Variants in TRPM6 observed in about 807,000 individuals in gnomAD.
The protein encoded by TRPM6 is transient receptor potential cation channel subfamily M member 6, also known as channel kinase 2.
Under a neutral mutation model 247.6 loss-of-function variants are expected in TRPM6, and 111 were observed. The ratio of observed to expected loss-of-function variants is 0.45; its 90% CI spans 0.38 to 0.52. The LOEUF (loss-of-function observed/expected upper bound fraction) is 0.52. Ranked by LOEUF, TRPM6 falls within the 20% of genes least tolerant of loss-of-function variation. The pLI is 0.00. For missense variants in TRPM6, 2,126 were observed against 2,421.5 expected (o/e 0.88, Z 2.56); for synonymous variants, 892 against 853.8 (o/e 1.04, Z -0.78).
chr9:74,793,767 G>C (rs1012249229), intron 18 of TRPM6, among the ~76,000 whole-genome samples: 8 of 152,202 alleles, frequency 5.3e-5, no homozygotes, highest in Admixed American at 1.3e-4. Flanking sequence ...TGAGCTTCCA[G>C]AGTTCCTTGA....
rs1029843517 is a variant in TRPM6, at chr9:74,796,958, C to T, written c.2239-65G>A. On this transcript the variant is annotated intron_variant, in intron 17 of 38. Coordinates refer to ENST00000360774, the MANE Select transcript of TRPM6 (RefSeq NM_017662.5). ...ACAAAAGCACATACTAGACAAATAA[C>T]AAAATTAAGAATTTCAGTGTATATA... The T allele has an allele frequency of 1.8e-5, 26 of 1,407,612 alleles. No individual in the cohort carries two copies. The South Asian group carries it at 2.2e-4, about 12-fold the overall frequency. 87.2% of individuals were successfully genotyped at this position (1,407,612 alleles called of 1,614,324 possible). A position where few individuals can be genotyped will look rare whatever the true frequency, so the allele number is the denominator to read the frequency against.
At chr9:74,866,393 C>T (rs78425076) in intron 1 of TRPM6, among the ~76,000 whole-genome samples, 2,703 of 152,218 alleles carry the variant, frequency 0.018, 73 homozygotes, top group African/African-American at 0.06. Context: ...AAAAATAAGA[C>T]AGAGAGAAAA....
rs1295383939 is a variant in TRPM6, at chr9:74,782,532, C to T, written c.3095-56G>A. 10 of 1,491,754 alleles carry T rather than the reference C, an allele frequency of 6.7e-6. No homozygotes were observed. The South Asian group carries it at 1.1e-4, about 17-fold the overall frequency. The allele number at this position is 1,491,754 out of a possible 1,614,324, so 92.4% of individuals were successfully genotyped here. A position where few individuals can be genotyped will look rare whatever the true frequency, so the allele number is the denominator to read the frequency against. The stretch of plus-strand genomic sequence containing the variant: ...GATAAGATGAATCACAGTCCTGCCA[C>T]TCTAGACACACATTTAGCACATTAA... On this transcript the variant is annotated intron_variant, in intron 22 of 38. Coordinates refer to ENST00000360774, the MANE Select transcript of TRPM6 (RefSeq NM_017662.5).
intron 20 of TRPM6, among the ~76,000 whole-genome samples, chr9:74,787,883 T>C (rs1217185781): frequency 6.6e-6 from 1 of 151,954 alleles, no homozygotes. Context: ...GCCCGGCTAA[T>C]TTTTTGTATT....
rs188293109 is a variant in TRPM6 at position 74,786,515 on chromosome 9, G to A, written c.2668-390C>T. 3.9e-5 allele frequency among the ~76,000 whole-genome samples: 6 copies of A among 152,204 alleles called. No individual in the cohort carries two copies. The East Asian group carries it at 1.2e-3, about 30-fold the overall frequency. On this transcript the variant is annotated intron_variant, in intron 20 of 38. Transcript: ENST00000360774. ...AGCACTTTGGGAGGCCGAGGCAGGT[G>A]GATCACGGAGGTCAGGAGATCGAGA...
chr9:74,862,060 T>A lies in TRPM6; in HGVS notation c.34-3312A>T, dbSNP rs933996256. On this transcript the variant is annotated intron_variant, in intron 1 of 38. Coordinates refer to ENST00000360774, the MANE Select transcript of TRPM6 (RefSeq NM_017662.5). ...CATAACAAGAATGTGGAAACTTTCC[T>A]CCTTCAACTCCGGTTATCTTATCTC... 5.9e-5 allele frequency among the ~76,000 whole-genome samples: 8 copies of A among 134,736 alleles called. No homozygotes were observed. In the South Asian group the frequency reaches 1.9e-3, roughly 33 times the overall value. 88.4% of individuals were successfully genotyped at this position (134,736 alleles called of 152,430 possible).
intron 3 of TRPM6, among the ~76,000 whole-genome samples, chr9:74,850,827 G>A (rs180998225): frequency 6.8e-4 from 103 of 152,276 alleles, no homozygotes; most frequent in Middle Eastern, 3.4e-3. Flanking sequence ...CAAATGTACC[G>A]AATATACATA....
chr9:74,865,812 G>C (rs1184768688), intron 1 of TRPM6, among the ~76,000 whole-genome samples: 3 of 152,178 alleles, frequency 2.0e-5, no homozygotes, highest in Non-Finnish European at 4.4e-5. Flanking sequence ...CCAGGCTGAA[G>C]TGCAGTGGCT....
chr9:74,812,517 T>A, intron 11 of TRPM6, 84 bp from the exon 12 acceptor site: 1 of 1,287,174 alleles, frequency 7.8e-7, no homozygotes, highest in Non-Finnish European at 1.1e-6. Context: ...AACTCAAAAT[T>A]ACACAAACAC....
intron 11 of TRPM6, among the ~76,000 whole-genome samples, chr9:74,816,367 T>A (rs1828924842): frequency 6.6e-6 from 1 of 150,880 alleles, no homozygotes; most frequent in Non-Finnish European, 1.5e-5. Context: ...AGAACTTGTG[T>A]CTAAAAATAA....
chr9:74,861,346 C>A (rs1830684978), intron 1 of TRPM6, among the ~76,000 whole-genome samples: 1 of 152,148 alleles, frequency 6.6e-6, no homozygotes, highest in Non-Finnish European at 1.5e-5. Flanking sequence ...AAGGAGGAAA[C>A]AGATAAGAAA....
chr9:74,871,896 A>G (rs1831042774), intron 1 of TRPM6, among the ~76,000 whole-genome samples: 1 of 149,176 alleles, frequency 6.7e-6, no homozygotes, highest in African/African-American at 2.5e-5. Flanking sequence ...TCTTTTGCCC[A>G]GACTGGAGTG....
intron 3 of TRPM6, among the ~76,000 whole-genome samples, chr9:74,854,904 T>C (rs934980883): frequency 6.6e-6 from 1 of 152,170 alleles, no homozygotes; most frequent in Non-Finnish European, 1.5e-5. Flanking sequence ...TGGCCTCAAA[T>C]CAGAGCTCAA....
chr9:74,754,546 C>T (rs897517770), intron 28 of TRPM6, among the ~76,000 whole-genome samples: 1 of 152,156 alleles, frequency 6.6e-6, no homozygotes, highest in South Asian at 2.1e-4. Context: ...GTGAAGGGAA[C>T]GTGTAAAATC....
chr9:74,855,869 TAAAATAATTATCA>T (rs1465901887), intron 2 of TRPM6, among the ~76,000 whole-genome samples: 1 of 152,170 alleles, frequency 6.6e-6, no homozygotes, highest in Non-Finnish European at 1.5e-5. Flanking sequence ...ATAAGGTTAT[TAAAATAATTATCA>T]GAGATAATAA....
At chr9:74,813,575 G>A (rs187259304) in intron 11 of TRPM6, among the ~76,000 whole-genome samples, 2 of 152,198 alleles carry the variant, frequency 1.3e-5, no homozygotes, top group African/African-American at 4.8e-5. Context: ...TGGTATCTGG[G>A]GGCCCCTGAA....
chr9:74,876,119 T>C (rs1831185328), intron 1 of TRPM6, among the ~76,000 whole-genome samples: 2 of 152,326 alleles, frequency 1.3e-5, no homozygotes, highest in Admixed American at 1.3e-4. Flanking sequence ...TTTTCGCTCT[T>C]GTCGCCCAGG....
At position 74,731,657 on chromosome 9, in the gene TRPM6, A is replaced by C. The variant is rs1303637444; in HGVS notation, c.5828+1028T>G. On this transcript the variant is annotated intron_variant, in intron 37 of 38. Coordinates refer to ENST00000360774, the MANE Select transcript of TRPM6 (RefSeq NM_017662.5). ...GAGTTCTTGGGGAGGGAAAGTAAAA[A>C]TTTCAGATTTTATTGATTGCCCACT... Among the ~76,000 whole-genome samples, 3 of 149,918 alleles carry C rather than the reference A, an allele frequency of 2.0e-5. No individual in the cohort carries two copies. In the East Asian group the frequency reaches 5.8e-4, roughly 29 times the overall value.
At chr9:74,830,334 C>T (rs7852719) in intron 6 of TRPM6, among the ~76,000 whole-genome samples, 3,145 of 151,494 alleles carry the variant, frequency 0.021, 105 homozygotes, top group African/African-American at 0.07. Flanking sequence ...AATGGGCATC[C>T]ACATACCCCA....
Sources: allele counts gnomAD v4.1 joint callset (sites outside exome capture counted in the v4.1 genomes callset), GRCh38; gene constraint gnomAD v4.1.1; transcripts MANE v1.5; gene names NCBI Gene and HGNC (gene_info 2026-07-23, HGNC 2026-07-21).